DSCAM: variants seen among roughly 807,000 people sequenced by gnomAD.
The protein encoded by DSCAM is DS cell adhesion molecule.
Under a neutral mutation model 217.7 loss-of-function variants are expected in DSCAM, and 47 were observed. The observed-to-expected ratio is 0.22, with a 90% confidence interval of 0.17 to 0.28. The LOEUF is 0.28. Ranked by LOEUF, DSCAM falls within the 10% of genes least tolerant of loss-of-function variation. The pLI is 1.00. For missense variants in DSCAM, 2,080 were observed against 2,618.3 expected (o/e 0.79, Z 4.49); for synonymous variants, 1,056 against 1,015.3 (o/e 1.04, Z -0.76).
rs193059365 is a variant in DSCAM, at chr21:40,573,539, A to C, written c.508+119271T>G. Among the ~76,000 whole-genome samples, 1,231 of 152,328 alleles carry C rather than the reference A, an allele frequency of 8.1e-3. 23 individuals carry two copies. The highest frequency in any genetic ancestry group is 9.1e-3 in the Non-Finnish European group (619 of 68,030). On this transcript the variant is annotated intron_variant, in intron 3 of 32. Coordinates refer to ENST00000400454, the MANE Select transcript of DSCAM (RefSeq NM_001389.5). ...GAAAGGCAGTGAAGGTGGTGCATAG[A>C]GGGAGATTCATAGCTTTAATTCCCT...
intron 3 of DSCAM, among the ~76,000 whole-genome samples, chr21:40,523,842 C>T (rs2076379161): frequency 6.6e-6 from 1 of 152,080 alleles, no homozygotes; most frequent in Admixed American, 6.5e-5. Flanking sequence ...GAGCTGTAAA[C>T]ATTCACCTCT....
intron 3 of DSCAM, among the ~76,000 whole-genome samples, chr21:40,538,077 T>C (rs1259081194): frequency 6.6e-6 from 1 of 152,146 alleles, no homozygotes; most frequent in East Asian, 1.9e-4. Flanking sequence ...ATGTAGTGTT[T>C]GTCTGACACA....
intron 3 of DSCAM, among the ~76,000 whole-genome samples, chr21:40,449,028 C>T (rs55796426): frequency 0.2 from 29,950 of 152,036 alleles, 3,537 homozygotes; most frequent in African/African-American, 0.32. Flanking sequence ...CCTTTTCCAG[C>T]TTTCAGAGGC....
At chr21:40,692,406 CA>C (rs2090547894) in intron 3 of DSCAM, among the ~76,000 whole-genome samples, 1 of 152,044 alleles carries the variant, frequency 6.6e-6, no homozygotes, top group Non-Finnish European at 1.5e-5. Context: ...TGGAAAGCAC[CA>C]AAAGGTCATG....
chr21:40,377,571 C>T (rs2074975702), intron 3 of DSCAM, among the ~76,000 whole-genome samples: 2 of 151,926 alleles, frequency 1.3e-5, no homozygotes, highest in African/African-American at 4.8e-5. Context: ...AAGATAAGAG[C>T]TCAGCTGTGA....
chr21:40,674,032 C>G (rs1414778494), intron 3 of DSCAM, among the ~76,000 whole-genome samples: 1 of 152,160 alleles, frequency 6.6e-6, no homozygotes, highest in Non-Finnish European at 1.5e-5. Flanking sequence ...GCCACAATCA[C>G]TTTGACATTC....
chr21:40,739,484 C>T (rs2091100004), intron 1 of DSCAM, among the ~76,000 whole-genome samples: 1 of 152,220 alleles, frequency 6.6e-6, no homozygotes, highest in Non-Finnish European at 1.5e-5. Flanking sequence ...AGGATTGGCT[C>T]TTCCTGGGGC....
At chr21:40,421,908 C>T (rs2075428300) in intron 3 of DSCAM, among the ~76,000 whole-genome samples, 1 of 152,140 alleles carries the variant, frequency 6.6e-6, no homozygotes, top group Non-Finnish European at 1.5e-5. Context: ...TGAGAAATGT[C>T]CTATAGGGCT....
chr21:40,286,369 G>C, intron 10 of DSCAM, among the ~76,000 whole-genome samples: 1 of 152,120 alleles, frequency 6.6e-6, no homozygotes, highest in African/African-American at 2.4e-5. Flanking sequence ...GAGACGAAAT[G>C]CCTTGGACAC....
chr21:40,174,095 C>T (rs1475284680), intron 15 of DSCAM, among the ~76,000 whole-genome samples: 2 of 152,088 alleles, frequency 1.3e-5, no homozygotes, highest in Non-Finnish European at 2.9e-5. Flanking sequence ...AGACACACTT[C>T]GGGTCCATTA....
chr21:40,149,190 T>C (rs926586797), intron 16 of DSCAM, among the ~76,000 whole-genome samples: 20 of 150,290 alleles, frequency 1.3e-4, no homozygotes, highest in African/African-American at 4.2e-4. Flanking sequence ...AACACCAACA[T>C]TGCCATCACC....
intron 3 of DSCAM, among the ~76,000 whole-genome samples, chr21:40,503,307 T>C (rs1205612360): frequency 6.6e-6 from 1 of 152,226 alleles, no homozygotes; most frequent in Admixed American, 6.5e-5. Context: ...CCGCCTGATA[T>C]GCTTCGACCA....
intron 3 of DSCAM, among the ~76,000 whole-genome samples, chr21:40,425,096 AAAAC>A (rs758620644): frequency 5.9e-5 from 9 of 152,324 alleles, no homozygotes; most frequent in Non-Finnish European, 1.2e-4. Flanking sequence ...TCCATCTCAA[AAAAC>A]AAACAAAAAT....
chr21:40,445,358 C>G (rs550275304), intron 3 of DSCAM, among the ~76,000 whole-genome samples: 4 of 152,312 alleles, frequency 2.6e-5, no homozygotes, highest in Admixed American at 6.5e-5. Flanking sequence ...AACATTGGTT[C>G]TGTTCTGTTG....
chr21:40,830,016 T>G (rs1242135336), intron 1 of DSCAM, among the ~76,000 whole-genome samples: 1 of 152,208 alleles, frequency 6.6e-6, no homozygotes, highest in Non-Finnish European at 1.5e-5. Flanking sequence ...CCCCATAACT[T>G]ACATTTCCAG....
intron 1 of DSCAM, among the ~76,000 whole-genome samples, chr21:40,805,930 G>A (rs141785267): frequency 2.0e-5 from 3 of 151,940 alleles, no homozygotes; most frequent in Admixed American, 2.0e-4. Context: ...GGATGGTCTC[G>A]ATCTCCTGAC....
intron 3 of DSCAM, among the ~76,000 whole-genome samples, chr21:40,403,479 C>T (rs972712987): frequency 1.3e-5 from 2 of 151,934 alleles, no homozygotes; most frequent in African/African-American, 4.8e-5. Flanking sequence ...AAAGACAATG[C>T]CCAGTGGAAT....
chr21:40,658,781 T>A (rs1198325067), intron 3 of DSCAM, among the ~76,000 whole-genome samples: 1 of 152,016 alleles, frequency 6.6e-6, no homozygotes, highest in Non-Finnish European at 1.5e-5. Context: ...AAAATGAAAA[T>A]GCCAATCACA....
intron 11 of DSCAM, among the ~76,000 whole-genome samples, chr21:40,260,484 A>T (rs2073435694): frequency 6.6e-6 from 1 of 152,122 alleles, no homozygotes; most frequent in African/African-American, 2.4e-5. Flanking sequence ...TGCATCAGTG[A>T]CTCTGCTCCG....
Sources: allele counts gnomAD v4.1 joint callset (sites outside exome capture counted in the v4.1 genomes callset), GRCh38; gene constraint gnomAD v4.1.1; transcripts MANE v1.5; gene names NCBI Gene and HGNC (gene_info 2026-07-23, HGNC 2026-07-21).